The following HAPLN3 variants were observed in gnomAD, a reference collection of about 807,000 sequenced individuals.
HAPLN3 encodes the protein hyaluronan and proteoglycan link protein 3.
Under a neutral mutation model 28.1 loss-of-function variants are expected in HAPLN3, and 28 were observed. The ratio of observed to expected loss-of-function variants is 1.00; its 90% confidence interval spans 0.74 to 1.37. The LOEUF is 1.37. Among genes scored for constraint, HAPLN3 ranks in the 40% most tolerant of loss-of-function variants. The pLI, the probability that HAPLN3 is intolerant of heterozygous loss-of-function variation, is 0.00. For missense variants in HAPLN3, 513 were observed against 504.6 expected (o/e 1.02, Z -0.16); for synonymous variants, 211 against 213.1 (o/e 0.99, Z 0.09).
At chr15:88,889,794 A>G (rs1351943699) in intron 1 of HAPLN3, among the ~76,000 whole-genome samples, 1 of 152,234 alleles carries the variant, frequency 6.6e-6, no homozygotes, top group Non-Finnish European at 1.5e-5. Context: ...AAACATAACT[A>G]TGATTATCAT....
chr15:88,892,683 T>C (rs1446633877), intron 1 of HAPLN3, among the ~76,000 whole-genome samples: 1 of 152,042 alleles, frequency 6.6e-6, no homozygotes, highest in Non-Finnish European at 1.5e-5. Context: ...ACAGAAAATT[T>C]CCTCTCTCCA....
intron 1 of HAPLN3, among the ~76,000 whole-genome samples, chr15:88,891,550 C>T (rs867801973): frequency 6.6e-5 from 10 of 151,784 alleles, no homozygotes; most frequent in Admixed American, 2.6e-4. Context: ...TGCCCGCCTC[C>T]GCCTCCCAAA....
At position 88,878,090 on chromosome 15, in the gene HAPLN3, G is replaced by T. The variant is rs1897581796; in HGVS notation, c.963C>A (p.Val321=). ...CDAGWLADGS[V]RYPVVHPHPN... ...GATGCGGGTGAACCACAGGGTAGCG[G>T]ACGCTACCATCTGCCAGCCAGCCAG... The change falls in exon 5 of 5, where the codon GTC becomes GTA. Residue 321 remains valine (V), a synonymous_variant. Coordinates refer to ENST00000359595, the MANE Select transcript of HAPLN3 (RefSeq NM_178232.4). 6.2e-7 allele frequency: 1 copy of T among 1,613,924 alleles called. No individual in the cohort carries two copies. Among genetic ancestry groups the T allele is most frequent in the South Asian group, 1.1e-5 (1 of 91,086 alleles).
intron 2 of HAPLN3, among the ~76,000 whole-genome samples, chr15:88,882,509 G>A (rs1897733591): frequency 6.6e-6 from 1 of 152,198 alleles, no homozygotes; most frequent in Non-Finnish European, 1.5e-5. Context: ...ATACGGAGCA[G>A]CCTACTGAGC....
rs760495127 is a variant in HAPLN3 at position 88,887,183 on chromosome 15, T to C, written c.116A>G (p.His39Arg). Reference sequence around the variant, plus strand: ...TGCAGGAGGTCGCCTACCTTTGCCATGACCGTTGCCTAGGTTCTGGTCGTT... The same window carrying C: ...TGCAGGAGGTCGCCTACCTTTGCCACGACCGTTGCCTAGGTTCTGGTCGTT... ...SANDQNLGNG[H>R]GKDLLNGVKL... Residue 39 changes from histidine to arginine, a missense_variant, in exon 2 of 5, where the codon CAT (histidine) becomes CGT (arginine). His to Arg is a conservative substitution (Grantham distance 29). Transcript: ENST00000359595. 1.2e-6 allele frequency: 2 copies of C among 1,614,022 alleles called. No homozygotes were observed. The highest frequency in any genetic ancestry group is 8.5e-7 in the Non-Finnish European group (1 of 1,180,016).
rs1347183755 is a variant in HAPLN3 at position 88,888,352 on chromosome 15, A to G, written c.-47-1007T>C. On this transcript the variant is annotated intron_variant, in intron 1 of 4. Transcript: ENST00000359595. The surrounding 1 kb of genome is among the most constrained non-coding windows in gnomAD (Gnocchi z 4.1). ...GTGATCAGCCCGCCTCGGCCTCCCAAAGTGCTGAGATTACAGGCATAAGCC... is the reference window on the plus strand; with the variant it reads ...GTGATCAGCCCGCCTCGGCCTCCCAGAGTGCTGAGATTACAGGCATAAGCC... 6.6e-6 allele frequency among the ~76,000 whole-genome samples: 1 copy of G among 152,044 alleles called. No homozygotes were observed. Among genetic ancestry groups the G allele is most frequent in the Non-Finnish European group, 1.5e-5 (1 of 68,010 alleles).
In HAPLN3 at chr15:88,888,013, T is replaced by G. The variant is rs1897912343; in HGVS notation, c.-47-668A>C. 6.6e-6 allele frequency among the ~76,000 whole-genome samples: 1 copy of G among 151,962 alleles called. No individual in the cohort carries two copies. Among genetic ancestry groups the G allele is most frequent in the African/African-American group, 2.4e-5 (1 of 41,394 alleles). ...GAAAAGAAAGGTATGAGCAGCACTT[T>G]TTAATGACGCCAAATAAACTAGACT... On this transcript the variant is annotated intron_variant, in intron 1 of 4. Transcript: ENST00000359595. The surrounding 1 kb of genome is among the most constrained non-coding windows in gnomAD (Gnocchi z 4.1).
chr15:88,885,249 G>A (rs1211485996), intron 2 of HAPLN3, among the ~76,000 whole-genome samples: 1 of 152,312 alleles, frequency 6.6e-6, no homozygotes, highest in South Asian at 2.1e-4. Flanking sequence ...CATCTGGTTC[G>A]TTCCTTCCAC....
chr15:88,892,765 A>T (rs1898045393), intron 1 of HAPLN3, among the ~76,000 whole-genome samples: 1 of 152,180 alleles, frequency 6.6e-6, no homozygotes, highest in Non-Finnish European at 1.5e-5. Context: ...TGCACAGGAC[A>T]GAGTCCTGTG....
chr15:88,881,798 C>A lies in HAPLN3; in HGVS notation c.125-73G>T. 6.7e-7 allele frequency: 1 copy of A among 1,501,488 alleles called. No homozygotes were observed. The highest frequency in any genetic ancestry group is 8.9e-7 in the Non-Finnish European group (1 of 1,119,166). The allele number at this position is 1,501,488 out of a possible 1,614,324, so 93.0% of individuals were successfully genotyped here. ...TACCCCTGCAAGGGCCACCGCACAC[C>A]CTCATCCACGGCTCCTACAGGCTCA... is the stretch of plus-strand genomic sequence containing the variant. On this transcript the variant is annotated intron_variant, in intron 2 of 4. Transcript: ENST00000359595. This position sits in a 1 kb window ranked among gnomAD's most constrained non-coding sequence, Gnocchi z 6.0.
rs201086334 is a variant in HAPLN3, at chr15:88,878,000, C to G, written c.1053G>C (p.Leu351Phe). 1.7e-5 allele frequency: 28 copies of G among 1,612,926 alleles called. No individual in the cohort carries two copies. The Admixed American group carries it at 3.5e-4, about 20-fold the overall frequency. Residue 351 changes from leucine to phenylalanine, a missense_variant, in exon 5 of 5, where the codon TTG becomes TTC. Physicochemically the swap from Leu to Phe is conservative, Grantham distance 22. Coordinates refer to ENST00000359595, the MANE Select transcript of HAPLN3 (RefSeq NM_178232.4). The surrounding 1 kb of genome is among the most constrained non-coding windows in gnomAD (Gnocchi z 5.1). The stretch of plus-strand genomic sequence containing the variant: ...GCTGGCGGTAGCAGTAAACACCGTA[C>G]AAGCGGCTCTGCGGGTCGGGGAAGC... ...SFGFPDPQSR[L>F]YGVYCYRQH
chr15:88,884,634 G>A (rs72749904), intron 2 of HAPLN3, among the ~76,000 whole-genome samples: 14,797 of 152,178 alleles, frequency 0.097, 822 homozygotes, highest in Non-Finnish European at 0.13. Flanking sequence ...GGTGTGGTGG[G>A]CTAAATAATG....
Position 88,879,240 on chromosome 15 carries a change from C to T in HAPLN3, c.523G>A (p.Gly175Arg), listed in dbSNP as rs1490228633. 2.5e-6 allele frequency: 4 copies of T among 1,608,544 alleles called. No homozygotes were observed. Among genetic ancestry groups the T allele is most frequent in the East Asian group, 2.2e-5 (1 of 44,756 alleles). ...GVVFPYQSPN[G>R]RYQFNFHEGQ... ...TCGTGGAAGTTGAACTGGTAGCGCC[C>T]GTTGGGGGACTGGTAAGGAAAGACC... Residue 175 changes from glycine to arginine, a missense_variant, in exon 4 of 5, where the codon GGG (glycine) becomes AGG (arginine). Physicochemically the swap from Gly to Arg is moderately radical, Grantham distance 125 (BLOSUM62 -2). Transcript: ENST00000359595. The surrounding 1 kb of genome is among the most constrained non-coding windows in gnomAD (Gnocchi z 5.0).
intron 4 of HAPLN3, 116 bp from the exon 5 acceptor site, chr15:88,878,372 G>T: frequency 1.1e-6 from 1 of 886,072 alleles, no homozygotes. Context: ...CTACCATACT[G>T]CAGGCATCTG....
chr15:88,886,692 G>A (rs140150132), intron 2 of HAPLN3, among the ~76,000 whole-genome samples: 12 of 152,120 alleles, frequency 7.9e-5, no homozygotes, highest in African/African-American at 2.2e-4. Flanking sequence ...AGGCATGGTG[G>A]CACATGCTTG....
rs1188817977 is a variant in HAPLN3, at chr15:88,878,997, C to CAT, written c.764_765dup (p.Asp256MetfsTer23). On this transcript the variant is annotated frameshift_variant, in exon 4 of 5. Transcript: ENST00000359595. LOFTEE classifies it low-confidence loss of function (END_TRUNC). ...AGGGCAGTAGCGAAGCAGAATACAT[C>CAT]ATAGCGGTGCAGGCGGCGGTGGCGG... The CAT allele has an allele frequency of 6.2e-7, 1 of 1,610,568 alleles. No homozygotes were observed. The highest frequency in any genetic ancestry group is 1.1e-5 in the South Asian group (1 of 90,510).
intron 1 of HAPLN3, among the ~76,000 whole-genome samples, chr15:88,894,144 C>G (rs1898093036): frequency 6.6e-6 from 1 of 152,160 alleles, no homozygotes; most frequent in South Asian, 2.1e-4. Context: ...TCTTTCTCCT[C>G]TCTCACTGCC....
intron 1 of HAPLN3, among the ~76,000 whole-genome samples, chr15:88,893,927 T>TA (rs1898084153): frequency 1.5e-5 from 1 of 64,810 alleles, no homozygotes. Flanking sequence ...AGACTCCATC[T>TA]CAAAAAAAAA....
Position 88,887,246 on chromosome 15 carries a change from AGTCCG to A in HAPLN3, c.48_52del (p.Gly17AlafsTer27), listed in dbSNP as rs1897885589. On this transcript the variant is annotated frameshift_variant, in exon 2 of 5. Coordinates refer to ENST00000359595, the MANE Select transcript of HAPLN3 (RefSeq NM_178232.4). LOFTEE classifies it high-confidence loss of function. The stretch of plus-strand genomic sequence containing the variant: ...GTAGTAGAAGCCGTTGTAGAAGGGC[AGTCCG>A]TAGGAGCCGGGCAGCAGGAGCAACG... 2.5e-6 allele frequency: 4 copies of A among 1,614,084 alleles called. No homozygotes were observed. In the South Asian group the frequency reaches 3.3e-5, roughly 13 times the overall value.
Sources: gnomAD v4.1 joint callset for allele counts (sites outside exome capture counted in the v4.1 genomes callset) on GRCh38, gnomAD v4.1.1 for gene constraint, Gnocchi (gnomAD v3.1) non-coding constraint, MANE v1.5 for transcripts, NCBI Gene and HGNC (gene_info 2026-07-23, HGNC 2026-07-21) for gene names.